C16orf89: variants seen among roughly 807,000 people sequenced by gnomAD.
C16orf89 encodes the protein UPF0764 protein C16orf89.
A neutral mutation model predicts 41.5 loss-of-function variants in C16orf89; 57 were observed. The ratio of observed to expected loss-of-function variants is 1.38; its 90% confidence interval spans 1.11 to 1.71. The LOEUF is 1.71. Ranked by LOEUF, C16orf89 falls within the 40% of genes most tolerant of loss-of-function variation. C16orf89 has a pLI of 0.00. For missense variants in C16orf89, 575 were observed against 445.9 expected (o/e 1.29, Z -2.61); for synonymous variants, 223 against 190.6 (o/e 1.17, Z -1.40).
chr16:5,060,907 A>G (rs7189415), intron 2 of C16orf89, among the ~76,000 whole-genome samples: 1 of 136,494 alleles, frequency 7.3e-6, no homozygotes, highest in African/African-American at 2.7e-5. Flanking sequence ...AGGTTGCTTG[A>G]GTCTAGAAGT....
In C16orf89 at chr16:5,050,385, C is replaced by G. The variant is rs188893285; in HGVS notation, c.869-2421G>C. ...TCTGTCTCCAAAAAAAAAAAGAAAA[C>G]CTAGTGGAAATGGATAAATTGCTGG... On this transcript the variant is annotated intron_variant, in intron 6 of 7. Coordinates refer to ENST00000472572, the MANE Select transcript of C16orf89 (RefSeq NM_001098514.3). 2.1e-3 allele frequency among the ~76,000 whole-genome samples: 310 copies of G among 151,140 alleles called. 4 individuals carry two copies. The highest frequency in any genetic ancestry group is 4.3e-3 in the African/African-American group (178 of 41,206).
At chr16:5,063,678 C>T (rs550383393) in intron 1 of C16orf89, among the ~76,000 whole-genome samples, 5 of 152,318 alleles carry the variant, frequency 3.3e-5, no homozygotes, top group African/African-American at 4.8e-5. Context: ...ATCTAGGCTG[C>T]ACACACCTTA....
intron 6 of C16orf89, among the ~76,000 whole-genome samples, chr16:5,049,737 C>A (rs903558426): frequency 6.6e-6 from 1 of 151,866 alleles, no homozygotes; most frequent in Non-Finnish European, 1.5e-5. Flanking sequence ...CAATAAATAC[C>A]TACATCAAAA....
intron 7 of C16orf89, 39 bp from the exon 8 acceptor site, chr16:5,044,517 A>G (rs774200208): frequency 7.5e-5 from 121 of 1,610,528 alleles, no homozygotes; most frequent in Non-Finnish European, 9.3e-5. Context: ...GGTGGCAAGA[A>G]CCTTGGCCCT....
chr16:5,064,174 A>G (rs1956688569), intron 1 of C16orf89, among the ~76,000 whole-genome samples: 1 of 152,096 alleles, frequency 6.6e-6, no homozygotes, highest in South Asian at 2.1e-4. Flanking sequence ...AAAGTGCACA[A>G]TAAATTTAAT....
chr16:5,053,957 C>T (rs995908398), intron 6 of C16orf89, among the ~76,000 whole-genome samples: 1 of 152,234 alleles, frequency 6.6e-6, no homozygotes, highest in East Asian at 1.9e-4. Context: ...AAATATCACA[C>T]TGTACCCTAT....
chr16:5,056,037 A>G lies in C16orf89; in HGVS notation c.763+16T>C, dbSNP rs768631583. The G allele has an allele frequency of 4.4e-6, 7 of 1,584,210 alleles. No homozygotes were observed. Among genetic ancestry groups the G allele is most frequent in the African/African-American group, 1.4e-5 (1 of 73,868 alleles). On this transcript the variant is annotated intron_variant, in intron 5 of 7. Coordinates refer to ENST00000472572, the MANE Select transcript of C16orf89 (RefSeq NM_001098514.3). ...CACCCTGTTCCTTTGCCCCGGGGGC[A>G]GAATGCTGGCCATACTGTTTTCCAT...
Position 5,045,640 on chromosome 16 carries a change from G to A in C16orf89, c.956-1162C>T, listed in dbSNP as rs532138896. Among the ~76,000 whole-genome samples, 50 of 152,300 alleles carry A rather than the reference G, an allele frequency of 3.3e-4. No individual in the cohort carries two copies. In the South Asian group the frequency reaches 0.01, roughly 31 times the overall value. ...CCTACTGTATGCCAAATACAATGGG[G>A]AGGGCTTTGCACGATGATCAGTTGT... On this transcript the variant is annotated intron_variant, in intron 7 of 7. Transcript: ENST00000472572.
In C16orf89 at chr16:5,044,370, G is replaced by A. The variant is rs565123845; in HGVS notation, c.1064C>T (p.Pro355Leu). 140 of 1,609,038 alleles carry A rather than the reference G, an allele frequency of 8.7e-5. No individual in the cohort carries two copies. Among genetic ancestry groups the A allele is most frequent in the Admixed American group, 4.9e-4 (29 of 59,268 alleles). Residue 355 changes from proline (P) to leucine (L), a missense_variant, in exon 8 of 8, where the codon CCG (proline) becomes CTG (leucine). Pro to Leu is a moderately conservative substitution (Grantham distance 98, BLOSUM62 -3). Transcript: ENST00000472572. The part of the protein sequence containing the change: ...PANREPHPST[P>L]PPPSSR ...GTCTCAGCGGCTGCTTGGTGGTGGC[G>A]GTGTGGATGGGTGTGGCTCTCTGTT...
intron 6 of C16orf89, among the ~76,000 whole-genome samples, chr16:5,049,377 T>C (rs1956357812): frequency 6.6e-6 from 1 of 152,210 alleles, no homozygotes; most frequent in Non-Finnish European, 1.5e-5. Context: ...TACAGAACAT[T>C]TCATCTAACT....
At chr16:5,063,406 C>G (rs1567160781) in intron 1 of C16orf89, among the ~76,000 whole-genome samples, 3 of 152,128 alleles carry the variant, frequency 2.0e-5, no homozygotes, top group African/African-American at 4.8e-5. Flanking sequence ...AGTGTCTCCT[C>G]CTGTGATTGC....
chr16:5,045,739 G>A (rs1049502743), intron 7 of C16orf89, among the ~76,000 whole-genome samples: 1 of 152,162 alleles, frequency 6.6e-6, no homozygotes, highest in African/African-American at 2.4e-5. Flanking sequence ...GACTTTCGCA[G>A]CAAGTTAGAG....
intron 1 of C16orf89, among the ~76,000 whole-genome samples, chr16:5,063,608 A>G (rs576693562): frequency 2.0e-5 from 3 of 152,286 alleles, no homozygotes; most frequent in Admixed American, 1.3e-4. Flanking sequence ...CTGTCAGATC[A>G]GTGGCTGCAT....
At chr16:5,063,569 C>T (rs1223845479) in intron 1 of C16orf89, among the ~76,000 whole-genome samples, 1 of 152,198 alleles carries the variant, frequency 6.6e-6, no homozygotes, top group African/African-American at 2.4e-5. Flanking sequence ...CCCCATCATT[C>T]GCTGTCACTA....
Position 5,062,577 on chromosome 16 carries a change from G to A in C16orf89, c.209-3C>T, listed in dbSNP as rs1956649350. 6.2e-7 allele frequency: 1 copy of A among 1,604,438 alleles called. No homozygotes were observed. The highest frequency in any genetic ancestry group is 1.3e-5 in the African/African-American group (1 of 74,520). On this transcript the variant is annotated splice_polypyrimidine_tract_variant and splice_region_variant and intron_variant, in intron 1 of 7. Coordinates refer to ENST00000472572, the MANE Select transcript of C16orf89 (RefSeq NM_001098514.3). ...CTCCCGGACACTTTTTAGCTGCTCT[G>A]GAAGGGAACAGAGTTAATTCATTCA...
At chr16:5,060,133 G>C in intron 3 of C16orf89, 153 bp downstream of exon 3, 1 of 905,070 alleles carries the variant, frequency 1.1e-6, no homozygotes, top group Admixed American at 2.9e-5. Context: ...TGGAGTAGGA[G>C]AGGGCAGTAC....
intron 1 of C16orf89, 149 bp downstream of exon 1, chr16:5,065,552 C>G (rs1956722373): frequency 4.2e-6 from 4 of 949,784 alleles, no homozygotes; most frequent in Non-Finnish European, 6.2e-6. Flanking sequence ...CCAGGAAGAT[C>G]CAGCCCCTGG....
intron 6 of C16orf89, among the ~76,000 whole-genome samples, chr16:5,049,416 C>T (rs535337378): frequency 6.6e-6 from 1 of 152,294 alleles, no homozygotes; most frequent in Non-Finnish European, 1.5e-5. Flanking sequence ...TTCTCATCAG[C>T]ACATGGAACA....
chr16:5,065,006 T>G (rs1196404084), intron 1 of C16orf89, among the ~76,000 whole-genome samples: 3 of 152,206 alleles, frequency 2.0e-5, no homozygotes, highest in African/African-American at 7.2e-5. Context: ...TGCTATCACA[T>G]GCGCCCCAGG....
Sources: allele counts gnomAD v4.1 joint callset (sites outside exome capture counted in the v4.1 genomes callset), GRCh38; gene constraint gnomAD v4.1.1; transcripts MANE v1.5; gene names NCBI Gene and HGNC (gene_info 2026-07-23, HGNC 2026-07-21).